The following CNOT2 variants were observed in gnomAD, a reference collection of about 807,000 sequenced individuals.
CNOT2 encodes the protein CCR4-NOT transcription complex subunit 2.
In CNOT2, 7 loss-of-function variants were observed where a neutral mutation model predicts 72.1. That is an observed-to-expected ratio of 0.10 (90% CI 0.06 to 0.18). The LOEUF is 0.18. Ranked by LOEUF, CNOT2 falls within the 10% of genes least tolerant of loss-of-function variation. The probability of loss-of-function intolerance (pLI) is 1.00; values close to 1 mark genes in which losing one functional copy is unlikely to be tolerated. For synonymous variants in CNOT2, 196 were observed against 225.6 expected (o/e 0.87, Z 1.17); for missense variants, 345 against 660.3 (o/e 0.52, Z 5.23).
At chr12:70,297,335 A>G (rs1452005211) in intron 2 of CNOT2, among the ~76,000 whole-genome samples, 1 of 152,184 alleles carries the variant, frequency 6.6e-6, no homozygotes, top group Non-Finnish European at 1.5e-5. Flanking sequence ...TAATGCAAGC[A>G]GACTACAAAC....
intron 1 of CNOT2, among the ~76,000 whole-genome samples, chr12:70,252,053 A>G (rs1470800413): frequency 4.6e-5 from 7 of 152,254 alleles, no homozygotes; most frequent in South Asian, 4.1e-4. Flanking sequence ...CTCAAAATAT[A>G]TAACACTTGG....
chr12:70,297,687 G>T, intron 2 of CNOT2: 1 of 295,450 alleles, frequency 3.4e-6, no homozygotes, highest in Non-Finnish European at 6.6e-6. Flanking sequence ...GGTATATATA[G>T]CTTTTAGTAG....
intron 6 of CNOT2, chr12:70,331,232 T>C (rs1417975404): frequency 1.3e-5 from 2 of 151,970 alleles, no homozygotes; most frequent in African/African-American, 4.8e-5. Flanking sequence ...TTTGATTCAC[T>C]TTATTCTGTC....
In CNOT2 at chr12:70,337,413, A is replaced by G. The variant is rs760629038; in HGVS notation, c.800A>G (p.Asn267Ser). 6.2e-7 allele frequency: 1 copy of G among 1,609,512 alleles called. No homozygotes were observed. Among genetic ancestry groups the G allele is most frequent in the Non-Finnish European group, 8.5e-7 (1 of 1,176,518 alleles). The change falls in exon 9 of 16, where the codon AAT becomes AGT. Residue 267 changes from asparagine to serine, a missense_variant. By Grantham distance (46) the Asn-to-Ser change is conservative. This residue lies in a region of CNOT2 where 128 missense variants were observed against 233.0 expected (regional missense o/e 0.55). Coordinates refer to ENST00000229195, the MANE Select transcript of CNOT2 (RefSeq NM_014515.7). ...PYVGMVTKPA[N>S]EQSQDFSIHN... The stretch of plus-strand genomic sequence containing the variant: ...GTTGGAATGGTAACAAAACCAGCAA[A>G]TGAACAATCCCAGGACTTCTCAATA...
intron 1 of CNOT2, among the ~76,000 whole-genome samples, chr12:70,253,530 A>G (rs1168109383): frequency 6.6e-6 from 1 of 152,148 alleles, no homozygotes; most frequent in South Asian, 2.1e-4. Context: ...AAGAGATAAT[A>G]TATTATTTTG....
At chr12:70,306,178 A>C (rs1875345185) in intron 2 of CNOT2, among the ~76,000 whole-genome samples, 1 of 152,142 alleles carries the variant, frequency 6.6e-6, no homozygotes, top group Admixed American at 6.5e-5. Context: ...TTTAAGACGT[A>C]GTCTCGTGGT....
intron 1 of CNOT2, among the ~76,000 whole-genome samples, chr12:70,267,568 T>C (rs997169761): frequency 6.6e-6 from 1 of 152,246 alleles, no homozygotes; most frequent in African/African-American, 2.4e-5. Context: ...GAACACATCT[T>C]TTTTGAGTAC....
At chr12:70,316,468 A>T (rs1194280867) in intron 3 of CNOT2, among the ~76,000 whole-genome samples, 1 of 152,140 alleles carries the variant, frequency 6.6e-6, no homozygotes, top group Non-Finnish European at 1.5e-5. Context: ...TCAGAATTTA[A>T]AAGTACAGGT....
chr12:70,252,099 A>G (rs1301478540), intron 1 of CNOT2, among the ~76,000 whole-genome samples: 1 of 152,226 alleles, frequency 6.6e-6, no homozygotes, highest in Non-Finnish European at 1.5e-5. Flanking sequence ...GTTAATTGAC[A>G]TGCAGAAACA....
chr12:70,280,093 A>G (rs1382789870), intron 2 of CNOT2, among the ~76,000 whole-genome samples: 1 of 152,216 alleles, frequency 6.6e-6, no homozygotes, highest in African/African-American at 2.4e-5. Flanking sequence ...AGGAATGTTC[A>G]TCACTAAAGT....
chr12:70,299,018 C>T (rs1873336056), intron 2 of CNOT2, among the ~76,000 whole-genome samples: 1 of 152,044 alleles, frequency 6.6e-6, no homozygotes, highest in African/African-American at 2.4e-5. Flanking sequence ...TTAGTCCGTT[C>T]TCATGCTAAC....
chr12:70,296,439 G>T (rs1593155736), intron 2 of CNOT2, among the ~76,000 whole-genome samples: 2 of 152,012 alleles, frequency 1.3e-5, no homozygotes, highest in South Asian at 4.2e-4. Context: ...TGGTTATTCT[G>T]CATTGGCTAA....
intron 11 of CNOT2, among the ~76,000 whole-genome samples, 192 bp downstream of exon 11, chr12:70,339,014 ATGTG>A (rs143055295): frequency 0.26 from 33,862 of 130,752 alleles, 4,092 homozygotes; most frequent in Admixed American, 0.29. Flanking sequence ...TTGGCATTTT[ATGTG>A]TGTGTGTGTG....
chr12:70,345,723 A>T (rs1882079878), intron 14 of CNOT2: 2 of 152,302 alleles, frequency 1.3e-5, no homozygotes, highest in Admixed American at 1.3e-4. Flanking sequence ...TAGTTAAAAA[A>T]TTATGTGGAA....
At chr12:70,300,537 T>C (rs899918105) in intron 2 of CNOT2, among the ~76,000 whole-genome samples, 8 of 152,212 alleles carry the variant, frequency 5.3e-5, no homozygotes, top group African/African-American at 9.6e-5. Flanking sequence ...TGTAGATATG[T>C]GGCGTTATTT....
chr12:70,292,601 A>G (rs1306796671), intron 2 of CNOT2, among the ~76,000 whole-genome samples: 1 of 152,200 alleles, frequency 6.6e-6, no homozygotes, highest in Non-Finnish European at 1.5e-5. Context: ...GCAGGAGCAC[A>G]TGAAGAGAAG....
At chr12:70,306,728 G>T (rs973135743) in intron 2 of CNOT2, among the ~76,000 whole-genome samples, 1 of 152,134 alleles carries the variant, frequency 6.6e-6, no homozygotes, top group African/African-American at 2.4e-5. Context: ...ACACACCAAA[G>T]ATTCTAATGC....
chr12:70,333,179 T>G (rs1248244987), intron 7 of CNOT2, among the ~76,000 whole-genome samples: 1 of 151,930 alleles, frequency 6.6e-6, no homozygotes, highest in Non-Finnish European at 1.5e-5. Flanking sequence ...GCCCTGTCAC[T>G]GTGAGAACTA....
At chr12:70,274,905 T>C (rs888848841) in intron 1 of CNOT2, among the ~76,000 whole-genome samples, 1 of 151,806 alleles carries the variant, frequency 6.6e-6, no homozygotes, top group African/African-American at 2.4e-5. Flanking sequence ...GTAGATACTC[T>C]GTTTATCCAT....
Sources: gnomAD v4.1 joint callset for allele counts (sites outside exome capture counted in the v4.1 genomes callset) on GRCh38, gnomAD v4.1.1 for gene constraint, gnomAD v4.1.1 regional missense constraint, MANE v1.5 for transcripts, NCBI Gene and HGNC (gene_info 2026-07-23, HGNC 2026-07-21) for gene names.